The following ZFPM2 variants were observed in gnomAD, a reference collection of about 807,000 sequenced individuals.
The protein encoded by ZFPM2 is zinc finger protein ZFPM2.
Under a neutral mutation model 98.6 loss-of-function variants are expected in ZFPM2, and 20 were observed. The observed-to-expected ratio is 0.20, with a 90% CI of 0.14 to 0.29. ZFPM2 has a LOEUF of 0.29. Ranked by LOEUF, ZFPM2 falls within the 10% of genes least tolerant of loss-of-function variation. The pLI, the probability that ZFPM2 is intolerant of heterozygous loss-of-function variation, is 1.00. For missense variants in ZFPM2, 1,310 were observed against 1,388.6 expected (o/e 0.94, Z 0.90); for synonymous variants, 518 against 502.7 (o/e 1.03, Z -0.41).
intron 4 of ZFPM2, among the ~76,000 whole-genome samples, chr8:105,603,274 ATAGG>A (rs1397574128): frequency 1.3e-5 from 2 of 152,140 alleles, no homozygotes; most frequent in East Asian, 3.9e-4. Flanking sequence ...AGCATGGTAT[ATAGG>A]GATACTCAAA....
chr8:105,723,852 T>C (rs1811734911), intron 5 of ZFPM2, among the ~76,000 whole-genome samples: 1 of 151,968 alleles, frequency 6.6e-6, no homozygotes, highest in Non-Finnish European at 1.5e-5. Context: ...TCTCCCAGAA[T>C]AGAATACTTT....
At chr8:105,377,116 G>A (rs1810739589) in intron 1 of ZFPM2, among the ~76,000 whole-genome samples, 1 of 151,804 alleles carries the variant, frequency 6.6e-6, no homozygotes, top group Non-Finnish European at 1.5e-5. Flanking sequence ...TCTTCCCCTG[G>A]GATTATTGTA....
rs187205695 is a variant in ZFPM2 at position 105,319,349 on chromosome 8, G to C, written c.40+368G>C. ...TTATTATTGTTGTTGTCATTGCTTT[G>C]TGCGATTGACGTGGGACTACTCTTG... On this transcript the variant is annotated intron_variant, in intron 1 of 7. Transcript: ENST00000407775. 2.7e-4 allele frequency among the ~76,000 whole-genome samples: 41 copies of C among 152,314 alleles called. 1 individual carries two copies. The highest frequency in any genetic ancestry group is 5.6e-4 in the Non-Finnish European group (38 of 68,028).
At chr8:105,675,715 G>A (rs538238419) in intron 5 of ZFPM2, among the ~76,000 whole-genome samples, 13 of 152,222 alleles carry the variant, frequency 8.5e-5, no homozygotes, top group African/African-American at 3.1e-4. Flanking sequence ...TCAGAAGGAG[G>A]AAGCTCTAAA....
intron 6 of ZFPM2, chr8:105,795,617 A>G (rs1438846218): frequency 5.1e-6 from 1 of 195,818 alleles, no homozygotes; most frequent in African/African-American, 2.4e-5. Context: ...TTAAAAAAAA[A>G]AAAAAGAAAG....
chr8:105,409,301 A>G (rs185225395), intron 1 of ZFPM2, among the ~76,000 whole-genome samples: 1 of 152,050 alleles, frequency 6.6e-6, no homozygotes, highest in African/African-American at 2.4e-5. Flanking sequence ...AAGATTCTTT[A>G]GTAAAACAAC....
At chr8:105,592,176 A>G (rs960113228) in intron 4 of ZFPM2, among the ~76,000 whole-genome samples, 1 of 152,100 alleles carries the variant, frequency 6.6e-6, no homozygotes, top group Non-Finnish European at 1.5e-5. Flanking sequence ...AAAACTATCA[A>G]AAGGTCAGGA....
intron 5 of ZFPM2, among the ~76,000 whole-genome samples, chr8:105,735,823 T>G (rs1378532544): frequency 6.6e-6 from 1 of 151,956 alleles, no homozygotes; most frequent in Non-Finnish European, 1.5e-5. Flanking sequence ...CAAACTGTAT[T>G]TTCTCAGATA....
intron 4 of ZFPM2, among the ~76,000 whole-genome samples, chr8:105,575,529 A>G (rs1815448353): frequency 6.6e-6 from 1 of 152,184 alleles, no homozygotes; most frequent in African/African-American, 2.4e-5. Context: ...TCAGTGCCAA[A>G]CCTTCTGCTG....
At chr8:105,359,367 C>CTTTT (rs111675257) in intron 1 of ZFPM2, among the ~76,000 whole-genome samples, 98 of 135,198 alleles carry the variant, frequency 7.2e-4, no homozygotes, top group Non-Finnish European at 9.8e-4. Context: ...CTTTTTCTTT[C>CTTTT]TTTTTTTTTT....
chr8:105,420,332 A>G (rs1202796312), intron 2 of ZFPM2, among the ~76,000 whole-genome samples: 1 of 152,168 alleles, frequency 6.6e-6, no homozygotes, highest in Non-Finnish European at 1.5e-5. Context: ...GTGGCCATGT[A>G]TATATTTAAT....
Position 105,799,042 on chromosome 8 carries a change from T to C in ZFPM2, c.964+94T>C. ...ACATGTATACGTCTATATCTGTCTA[T>C]CTGTAGCTATCTATAACATCAAAAT... On this transcript the variant is annotated intron_variant, in intron 7 of 7. Transcript: ENST00000407775. The C allele has an allele frequency of 1.2e-5, 13 of 1,127,246 alleles. 1 individual carries two copies. In the South Asian group the frequency reaches 1.9e-4, roughly 17 times the overall value. 69.8% of individuals were successfully genotyped at this position (1,127,246 alleles called of 1,614,324 possible).
chr8:105,510,347 C>A (rs563314802), intron 3 of ZFPM2, among the ~76,000 whole-genome samples: 1 of 151,000 alleles, frequency 6.6e-6, no homozygotes, highest in Admixed American at 6.6e-5. Flanking sequence ...ACACTACTTG[C>A]GACTATGTTC....
At chr8:105,796,917 G>A (rs932335018) in intron 6 of ZFPM2, 2 of 152,126 alleles carry the variant, frequency 1.3e-5, no homozygotes, top group Non-Finnish European at 2.9e-5. Context: ...GTCAGATTTG[G>A]TCACCCTGTA....
chr8:105,403,992 AAAC>A (rs58138715), intron 1 of ZFPM2, among the ~76,000 whole-genome samples: 37,257 of 147,526 alleles, frequency 0.25, 4,781 homozygotes, highest in Admixed American at 0.3. Context: ...ATTGGTGTTA[AAAC>A]AACAACAACA....
chr8:105,633,492 G>T (rs1816789770), intron 4 of ZFPM2, among the ~76,000 whole-genome samples: 1 of 152,108 alleles, frequency 6.6e-6, no homozygotes, highest in Non-Finnish European at 1.5e-5. Context: ...TAATTTGGAT[G>T]CCAAACAGCC....
At chr8:105,487,700 T>C (rs996159070) in intron 3 of ZFPM2, among the ~76,000 whole-genome samples, 2 of 151,732 alleles carry the variant, frequency 1.3e-5, no homozygotes, top group African/African-American at 4.9e-5. Context: ...TGGCACATAA[T>C]AGGAATTAAA....
intron 5 of ZFPM2, among the ~76,000 whole-genome samples, chr8:105,711,907 A>G (rs745426476): frequency 6.6e-6 from 1 of 152,062 alleles, no homozygotes; most frequent in Non-Finnish European, 1.5e-5. Flanking sequence ...CTATGGTTTT[A>G]TATATATCTA....
intron 3 of ZFPM2, among the ~76,000 whole-genome samples, chr8:105,545,102 A>G (rs1034226887): frequency 1.1e-4 from 16 of 152,214 alleles, no homozygotes; most frequent in African/African-American, 2.2e-4. Flanking sequence ...GATGATGTCA[A>G]TAATATCTGC....
Sources: allele counts gnomAD v4.1 joint callset (sites outside exome capture counted in the v4.1 genomes callset), GRCh38; gene constraint gnomAD v4.1.1; transcripts MANE v1.5; gene names NCBI Gene and HGNC (gene_info 2026-07-23, HGNC 2026-07-21).